The following SON variants were observed in gnomAD, a reference collection of about 807,000 sequenced individuals.
SON encodes SON DNA and RNA binding protein.
SON carries 4 observed loss-of-function variants against 173.3 expected under a neutral mutation model. The observed-to-expected ratio is 0.02, with a 90% CI of 0.01 to 0.05. The LOEUF (loss-of-function observed/expected upper bound fraction) is 0.05. SON is among the 10% of genes least tolerant of loss of function. The pLI is 1.00. For synonymous variants in SON, 1,190 were observed against 1,105.9 expected (o/e 1.08, Z -1.51); for missense variants, 2,626 against 3,055.3 (o/e 0.86, Z 3.31).
intron 9 of SON, among the ~76,000 whole-genome samples, chr21:33,575,012 T>A (rs2145887149): frequency 6.6e-6 from 1 of 152,264 alleles, no homozygotes; most frequent in Non-Finnish European, 1.5e-5. Context: ...TAAGAGACAG[T>A]AAATCTGCAG....
chr21:33,554,721 ATCT>A lies in SON; in HGVS notation c.5494_5496del (p.Ser1832del). 2.5e-6 allele frequency: 4 copies of A among 1,613,932 alleles called. No individual in the cohort carries two copies. Among genetic ancestry groups the A allele is most frequent in the Non-Finnish European group, 2.5e-6 (3 of 1,180,038 alleles). On this transcript the variant is annotated inframe_deletion, in exon 3 of 12. Transcript: ENST00000356577. ...TAAGATCTCGAAGTAAGCGTTCCAA[ATCT>A]TCTGAACACAAATCACGCAAGCGTA... is the stretch of plus-strand genomic sequence containing the variant.
At chr21:33,565,765 A>G (rs1183618053) in intron 6 of SON, among the ~76,000 whole-genome samples, 1 of 152,202 alleles carries the variant, frequency 6.6e-6, no homozygotes, top group Non-Finnish European at 1.5e-5. Context: ...AGAAAGATTT[A>G]TATATTAACA....
intron 2 of SON, among the ~76,000 whole-genome samples, chr21:33,547,281 T>C (rs1569048607): frequency 6.6e-6 from 1 of 152,052 alleles, no homozygotes; most frequent in African/African-American, 2.4e-5. Context: ...CGCGCCCGGC[T>C]TGATTAAGTT....
chr21:33,552,882 A>G lies in SON; in HGVS notation c.3651A>G (p.Gln1217=). ...SVSQPEPPVS[Q]SEISEPSAVP... ...CGCAGCCTGAGCCTCCTGTGAGTCA[A>G]AGTGAGATTTCGGAGCCTTCAGCAG... is the stretch of plus-strand genomic sequence containing the variant. The change falls in exon 3 of 12, where the codon CAA becomes CAG. Residue 1217 remains glutamine (Q), a synonymous_variant. Transcript: ENST00000356577. The surrounding 1 kb of genome is among the most constrained non-coding windows in gnomAD (Gnocchi z 5.6). The G allele has an allele frequency of 1.2e-6, 2 of 1,614,170 alleles. No individual in the cohort carries two copies. Among genetic ancestry groups the G allele is most frequent in the Non-Finnish European group, 1.7e-6 (2 of 1,180,028 alleles).
At chr21:33,568,839 C>A in intron 7 of SON, 132 bp from the exon 8 acceptor site, 1 of 579,456 alleles carries the variant, frequency 1.7e-6, no homozygotes, top group Non-Finnish European at 3.1e-6. Context: ...TTTAGGCAAA[C>A]ATTTAATGTT....
intron 3 of SON, among the ~76,000 whole-genome samples, chr21:33,555,860 A>G (rs1330021012): frequency 1.3e-5 from 2 of 152,200 alleles, no homozygotes; most frequent in African/African-American, 2.4e-5. Context: ...TCTGATTGGT[A>G]TAGTTGGTAA....
rs1050230691 is a variant in SON, at chr21:33,550,574, A to G, written c.1343A>G (p.Gln448Arg). 2.5e-6 allele frequency: 4 copies of G among 1,613,576 alleles called. No individual in the cohort carries two copies. Among genetic ancestry groups the G allele is most frequent in the African/African-American group, 2.7e-5 (2 of 74,748 alleles). The change falls in exon 3 of 12, where the codon CAG (glutamine) becomes CGG (arginine). Residue 448 changes from glutamine to arginine, a missense_variant. Physicochemically the swap from Gln to Arg is conservative, Grantham distance 43. Around this residue, in one of 13 missense-constraint regions of SON, gnomAD observed 757 missense variants for 730.1 expected, o/e 1.04. Coordinates refer to ENST00000356577, the MANE Select transcript of SON (RefSeq NM_138927.4). ...GGGCCCTCTGTGACACCAGTGCCAC[A>G]GTTGTCGCAGGAATTGCCAGGGCTT... Reference protein sequence around the residue: ...LPGPSVTPVPQLSQELPGLPA... With the variant: ...LPGPSVTPVPRLSQELPGLPA...
At chr21:33,571,516 A>C (rs1427135159) in intron 8 of SON, among the ~76,000 whole-genome samples, 1 of 152,250 alleles carries the variant, frequency 6.6e-6, no homozygotes, top group African/African-American at 2.4e-5. Context: ...CAGTAGTCTC[A>C]TTAATCAGTA....
Position 33,555,265 on chromosome 21 carries a change from A to T in SON, c.6034A>T (p.Ile2012Phe). The change falls in exon 3 of 12, where the codon ATC (isoleucine) becomes TTC (phenylalanine). Residue 2012 changes from isoleucine (I) to phenylalanine (F), a missense_variant. Around this residue, in one of 13 missense-constraint regions of SON, gnomAD observed 138 missense variants for 222.9 expected, o/e 0.62. Transcript: ENST00000356577. ...TGTGGTAAGAAGACGAAGCTTCAGT[A>T]TCTCACCAGTCAGATTAAGGCGATC... ...RSVVRRRSFSISPVRLRRSRT... is the reference protein window; with the variant it reads ...RSVVRRRSFSFSPVRLRRSRT... The T allele has an allele frequency of 6.2e-7, 1 of 1,612,846 alleles. No homozygotes were observed. Among genetic ancestry groups the T allele is most frequent in the Middle Eastern group, 1.7e-4 (1 of 6,056 alleles).
At chr21:33,567,314 C>T in intron 7 of SON, 47 bp downstream of exon 7, 1 of 1,055,606 alleles carries the variant, frequency 9.5e-7, no homozygotes, top group Non-Finnish European at 1.5e-6. Context: ...CATCAGCCAA[C>T]TCACACCAAT....
At chr21:33,572,746 T>TCAA (rs2086311518) in intron 8 of SON, 1 of 441,224 alleles carries the variant, frequency 2.3e-6, no homozygotes, top group African/African-American at 2.1e-5. Context: ...GTTTTCTATT[T>TCAA]GTTACTGTGT....
chr21:33,551,089 C>A lies in SON; in HGVS notation c.1858C>A (p.Leu620Ile), dbSNP rs1031075209. The A allele has an allele frequency of 6.2e-7, 1 of 1,611,778 alleles. No homozygotes were observed. The highest frequency in any genetic ancestry group is 8.5e-7 in the Non-Finnish European group (1 of 1,179,036). ...GQSGAAGALE[L>I]LGQPLATGVL... The stretch of plus-strand genomic sequence containing the variant: ...GTCTGGGGCAGCTGGAGCACTGGAG[C>A]TTTTGGGGCAGCCTCTGGCAACAGG... The change falls in exon 3 of 12, where the codon CTT becomes ATT. Residue 620 changes from leucine (L) to isoleucine (I), a missense_variant. Transcript: ENST00000356577.
At chr21:33,568,439 T>A (rs2086217454) in intron 7 of SON, among the ~76,000 whole-genome samples, 1 of 152,172 alleles carries the variant, frequency 6.6e-6, no homozygotes, top group East Asian at 1.9e-4. Context: ...GAGGTTGCAG[T>A]GAGCAGACAT....
At position 33,554,748 on chromosome 21, in the gene SON, T is replaced by C. The variant is rs1369207744; in HGVS notation, c.5517T>C (p.Arg1839=). 1.2e-6 allele frequency: 2 copies of C among 1,613,864 alleles called. No homozygotes were observed. The change falls in exon 3 of 12, where the codon CGT becomes CGC. Residue 1839 remains arginine (R), a synonymous_variant. Transcript: ENST00000356577. ...SKSSEHKSRK[R]TSESRSRARK... ...CTTCTGAACACAAATCACGCAAGCG[T>C]ACCAGTGAATCTCGTTCTAGGGCAA...
In SON at chr21:33,551,382, T is replaced by C. The variant is rs777140713; in HGVS notation, c.2151T>C (p.Ala717=). Residue 717 remains alanine, a synonymous_variant, in exon 3 of 12, where the codon GCT becomes GCC. Coordinates refer to ENST00000356577, the MANE Select transcript of SON (RefSeq NM_138927.4). ...PLMAPESHIL[A]SNTMETHILA... ...TGGCCCCAGAATCCCATATATTAGC[T>C]TCTAACACCATGGAGACCCATATAT... The C allele has an allele frequency of 6.2e-7, 1 of 1,614,084 alleles. No homozygotes were observed. The highest frequency in any genetic ancestry group is 1.1e-5 in the South Asian group (1 of 91,090).
At chr21:33,544,398 T>A (rs1260296506) in intron 1 of SON, among the ~76,000 whole-genome samples, 1 of 152,220 alleles carries the variant, frequency 6.6e-6, no homozygotes, top group Non-Finnish European at 1.5e-5. Context: ...AATAAGTAGT[T>A]GTTTGCTTAG....
chr21:33,576,744 G>C lies in SON; in HGVS notation c.*320G>C, dbSNP rs2086410209. ...ATGGAAATTGTATTTAACCATACAG[G>C]GTTTTGGTATGTTTATATTGTTTAC... On this transcript the variant is annotated 3_prime_UTR_variant, in exon 12 of 12. Coordinates refer to ENST00000356577, the MANE Select transcript of SON (RefSeq NM_138927.4). The C allele has an allele frequency of 2.2e-6, 1 of 449,054 alleles. No individual in the cohort carries two copies. Among genetic ancestry groups the C allele is most frequent in the Non-Finnish European group, 4.1e-6 (1 of 242,038 alleles). 27.8% of individuals were successfully genotyped at this position (449,054 alleles called of 1,614,324 possible).
At chr21:33,543,220 C>T in intron 1 of SON, 51 bp downstream of exon 1, 1 of 1,484,668 alleles carries the variant, frequency 6.7e-7, no homozygotes, top group African/African-American at 1.4e-5. Context: ...AGGCCCTCAC[C>T]TAGCCTTCTT....
In SON at chr21:33,553,673, C is replaced by T. The variant is rs1384955578; in HGVS notation, c.4442C>T (p.Ser1481Leu). The T allele has an allele frequency of 3.1e-6, 5 of 1,613,848 alleles. No homozygotes were observed. Among genetic ancestry groups the T allele is most frequent in the African/African-American group, 1.3e-5 (1 of 74,896 alleles). Residue 1481 changes from serine (S) to leucine (L), a missense_variant, in exon 3 of 12, where the codon TCA (serine) becomes TTA (leucine). Physicochemically the swap from Ser to Leu is moderately radical, Grantham distance 145. Transcript: ENST00000356577. ...PMILESSIMS[S>L]HVMKGINLSS... ...ATACTGGAATCTAGTATCATGTCATCACATGTTATGAAAGGAATTAATCTA... is the reference window on the plus strand; with the variant it reads ...ATACTGGAATCTAGTATCATGTCATTACATGTTATGAAAGGAATTAATCTA...
Sources: gnomAD v4.1 joint callset for allele counts (sites outside exome capture counted in the v4.1 genomes callset) on GRCh38, gnomAD v4.1.1 for gene constraint, gnomAD v4.1.1 regional missense constraint, Gnocchi (gnomAD v3.1) non-coding constraint, MANE v1.5 for transcripts, NCBI Gene and HGNC (gene_info 2026-07-23, HGNC 2026-07-21) for gene names.